The following NRROS variants were observed in gnomAD, a reference collection of about 807,000 sequenced individuals.
NRROS encodes transforming growth factor beta activator LRRC33.
A neutral mutation model predicts 12.0 loss-of-function variants in NRROS; 6 were observed. That is an observed-to-expected ratio of 0.50 (90% CI 0.27 to 0.98). The LOEUF (loss-of-function observed/expected upper bound fraction) is 0.98. NRROS is among the 50% of genes least tolerant of loss of function. The pLI is 0.11. For synonymous variants in NRROS, 462 were observed against 410.2 expected (o/e 1.13, Z -1.53); for missense variants, 857 against 888.2 (o/e 0.96, Z 0.45).
rs141297094 is a variant in NRROS at position 196,654,104 on chromosome 3, T to C, written c.-13-423T>C. Among the ~76,000 whole-genome samples the C allele has an allele frequency of 6.6e-6, 1 of 152,140 alleles. No homozygotes were observed. The highest frequency in any genetic ancestry group is 2.4e-5 in the African/African-American group (1 of 41,428). On this transcript the variant is annotated intron_variant, in intron 1 of 2. Transcript: ENST00000328557. This position sits in a 1 kb window ranked among gnomAD's most constrained non-coding sequence, Gnocchi z 4.4. ...TCCGTCTCCGTCCACTCTCCAGTTG[T>C]TCATTCATTCACTCAGCAAGTACTT...
chr3:196,651,167 TG>T (rs1211268387), intron 1 of NRROS, among the ~76,000 whole-genome samples: 2 of 152,346 alleles, frequency 1.3e-5, no homozygotes, highest in South Asian at 4.1e-4. Flanking sequence ...GGAAGCTCTC[TG>T]CAGCTACACA....
chr3:196,658,518 G>A (rs1025295189), intron 2 of NRROS, among the ~76,000 whole-genome samples: 3 of 152,194 alleles, frequency 2.0e-5, no homozygotes, highest in African/African-American at 7.2e-5. Flanking sequence ...CCAAACCTGT[G>A]CTTCTTCTAA....
At chr3:196,644,410 A>T (rs1215626665) in intron 1 of NRROS, among the ~76,000 whole-genome samples, 1 of 152,038 alleles carries the variant, frequency 6.6e-6, no homozygotes, top group African/African-American at 2.4e-5. Context: ...AAAAAAAAAA[A>T]AAAAGTTAAA....
chr3:196,643,687 TCTC>T (rs1448727992), intron 1 of NRROS, among the ~76,000 whole-genome samples: 2 of 152,208 alleles, frequency 1.3e-5, no homozygotes, highest in African/African-American at 4.8e-5. Flanking sequence ...CACATCGTGT[TCTC>T]CTAAGCTCAT....
At chr3:196,649,749 C>A (rs1325294271) in intron 1 of NRROS, among the ~76,000 whole-genome samples, 1 of 152,168 alleles carries the variant, frequency 6.6e-6, no homozygotes, top group African/African-American at 2.4e-5. Context: ...GGATTACAGG[C>A]GTGAGCCACT....
chr3:196,640,998 GT>G (rs1737197696), intron 1 of NRROS, among the ~76,000 whole-genome samples: 1 of 152,086 alleles, frequency 6.6e-6, no homozygotes. Flanking sequence ...GATGCTGAGG[GT>G]TTGCTGGGCT....
Position 196,660,267 on chromosome 3 carries a change from G to T in NRROS, c.624G>T (p.Arg208Ser). The T allele has an allele frequency of 6.2e-7, 1 of 1,613,866 alleles. No individual in the cohort carries two copies. The highest frequency in any genetic ancestry group is 1.7e-5 in the Admixed American group (1 of 60,028). ...GGAFDGLAELRHLNLAFNNLP... is the reference protein window; with the variant it reads ...GGAFDGLAELSHLNLAFNNLP... ...CTTTCGACGGCCTGGCTGAGCTGAG[G>T]CACCTCAACCTGGCCTTCAACAACC... The change falls in exon 3 of 3, where the codon AGG (arginine) becomes AGT (serine). Residue 208 changes from arginine to serine, a missense_variant. By Grantham distance (110) the Arg-to-Ser change is moderately radical. Coordinates refer to ENST00000328557, the MANE Select transcript of NRROS (RefSeq NM_198565.3). This position sits in a 1 kb window ranked among gnomAD's most constrained non-coding sequence, Gnocchi z 7.7.
chr3:196,659,844 C>A lies in NRROS; in HGVS notation c.201C>A (p.Asn67Lys), dbSNP rs1737623460. The change falls in exon 3 of 3, where the codon AAC (asparagine) becomes AAA (lysine). Residue 67 changes from asparagine (N) to lysine (K), a missense_variant. Asn to Lys is a moderately conservative substitution (Grantham distance 94). Coordinates refer to ENST00000328557, the MANE Select transcript of NRROS (RefSeq NM_198565.3). ...CCCGGATGCTCACCCTGGATGCCAA[C>A]CCTCTCAAGACCCTGTGGAATCACT... Reference protein sequence around the residue: ...PHARMLTLDANPLKTLWNHSL... With the variant: ...PHARMLTLDAKPLKTLWNHSL... 6.2e-7 allele frequency: 1 copy of A among 1,613,954 alleles called. No homozygotes were observed. The highest frequency in any genetic ancestry group is 1.3e-5 in the African/African-American group (1 of 74,898).
intron 1 of NRROS, among the ~76,000 whole-genome samples, chr3:196,642,286 A>C (rs1387914689): frequency 8.5e-6 from 1 of 118,078 alleles, no homozygotes; most frequent in Admixed American, 8.2e-5. Flanking sequence ...ATGCTTCGGC[A>C]AAAAAGAAAA....
chr3:196,639,910 A>C (rs921631838), intron 1 of NRROS, 35 bp downstream of exon 1: 1 of 152,304 alleles, frequency 6.6e-6, no homozygotes, highest in Non-Finnish European at 1.5e-5. Context: ...TCCCCGGGGC[A>C]CAGCCGGGGC....
chr3:196,654,739 G>A lies in NRROS; in HGVS notation c.108+92G>A. On this transcript the variant is annotated intron_variant, in intron 2 of 2. Transcript: ENST00000328557. The surrounding 1 kb of genome is among the most constrained non-coding windows in gnomAD (Gnocchi z 4.4). ...AGCTGACAGATTGTCCATCAGGAAG[G>A]GCAGAGAATGAAGGAGCCTGCATCA... The A allele has an allele frequency of 2.6e-6, 2 of 784,102 alleles. No individual in the cohort carries two copies. The allele number at this position is 784,102 out of a possible 1,614,324, so 48.6% of individuals were successfully genotyped here. A position where few individuals can be genotyped will look rare whatever the true frequency, so the allele number is the denominator to read the frequency against.
At chr3:196,650,879 C>T (rs1798629) in intron 1 of NRROS, among the ~76,000 whole-genome samples, 48,175 of 152,050 alleles carry the variant, frequency 0.32, 7,733 homozygotes, top group South Asian at 0.34. Flanking sequence ...AAACCTTGTC[C>T]AGACAGGAGC....
At chr3:196,653,713 C>T (rs753644712) in intron 1 of NRROS, among the ~76,000 whole-genome samples, 25 of 152,322 alleles carry the variant, frequency 1.6e-4, no homozygotes, top group Admixed American at 1.3e-4. Flanking sequence ...TCCACAACCT[C>T]GAGTAGTATC....
intron 2 of NRROS, among the ~76,000 whole-genome samples, chr3:196,658,612 C>G (rs1400287722): frequency 6.6e-6 from 1 of 152,184 alleles, no homozygotes; most frequent in East Asian, 1.9e-4. Flanking sequence ...CAACCACTGC[C>G]CTTGTATTAC....
In NRROS at chr3:196,660,454, T is replaced by G. The variant is rs368117679; in HGVS notation, c.811T>G (p.Tyr271Asp). The change falls in exon 3 of 3, where the codon TAC becomes GAC. Residue 271 changes from tyrosine to aspartate, a missense_variant. Physicochemically the swap from Tyr to Asp is radical, Grantham distance 160. Transcript: ENST00000328557. This position sits in a 1 kb window ranked among gnomAD's most constrained non-coding sequence, Gnocchi z 7.7. The stretch of plus-strand genomic sequence containing the variant: ...GCTGTTCTTCCCGCTGCTGCCCCAG[T>G]ACAGCAAGTTGCGGACCCTCCTGCT... ...QLLFFPLLPQYSKLRTLLLRD... is the reference protein window; with the variant it reads ...QLLFFPLLPQDSKLRTLLLRD... The G allele has an allele frequency of 6.2e-7, 1 of 1,613,982 alleles. No homozygotes were observed. The highest frequency in any genetic ancestry group is 8.5e-7 in the Non-Finnish European group (1 of 1,179,950).
Position 196,654,502 on chromosome 3 carries a change from C to G in NRROS, c.-13-25C>G, listed in dbSNP as rs1737494304. 7.3e-7 allele frequency: 1 copy of G among 1,378,232 alleles called. No homozygotes were observed. The highest frequency in any genetic ancestry group is 1.0e-6 in the Non-Finnish European group (1 of 964,398). 85.4% of individuals were successfully genotyped at this position (1,378,232 alleles called of 1,614,324 possible). ...CTCTGGGATGTCCTTCTCTGACTTA[C>G]CTCTTCCCTGCTCTCTGTCCACAGG... On this transcript the variant is annotated intron_variant, in intron 1 of 2. Transcript: ENST00000328557. The surrounding 1 kb of genome is among the most constrained non-coding windows in gnomAD (Gnocchi z 4.4).
At chr3:196,648,496 G>T (rs1229864661) in intron 1 of NRROS, among the ~76,000 whole-genome samples, 1 of 152,106 alleles carries the variant, frequency 6.6e-6, no homozygotes, top group African/African-American at 2.4e-5. Context: ...GCCAAGCTCA[G>T]TGGCTCACGA....
intron 1 of NRROS, among the ~76,000 whole-genome samples, chr3:196,641,258 G>T (rs1451846219): frequency 2.0e-5 from 3 of 152,058 alleles, no homozygotes; most frequent in African/African-American, 7.3e-5. Flanking sequence ...CTGTTGCCCA[G>T]ACTGGAGTTC....
chr3:196,644,717 G>C (rs1021239496), intron 1 of NRROS, among the ~76,000 whole-genome samples: 1 of 147,216 alleles, frequency 6.8e-6, no homozygotes, highest in South Asian at 2.1e-4. Context: ...AGATCTCAGC[G>C]AGCAGAGATC....
Sources: gnomAD v4.1 joint callset for allele counts (sites outside exome capture counted in the v4.1 genomes callset) on GRCh38, gnomAD v4.1.1 for gene constraint, Gnocchi (gnomAD v3.1) non-coding constraint, MANE v1.5 for transcripts, NCBI Gene and HGNC (gene_info 2026-07-23, HGNC 2026-07-21) for gene names.